Variants in RIGI observed in about 807,000 individuals in gnomAD.
RIGI encodes antiviral innate immune response receptor RIG-I.
the RIGI span, chr9:32,489,433 A>T: frequency 6.2e-7 from 1 of 1,612,742 alleles, no homozygotes; most frequent in Non-Finnish European, 8.5e-7. Context: ...TGGGCTGTAC[A>T]AGTTTGTATC....
chr9:32,485,685 C>T, the RIGI span: 24 of 369,244 alleles, frequency 6.5e-5, 1 homozygote, highest in East Asian at 1.0e-3. Context: ...GGACAACAGG[C>T]GCACACCACC....
chr9:32,478,597 C>T, the RIGI span, among the ~76,000 whole-genome samples: 1,263 of 152,114 alleles, frequency 8.3e-3, 16 homozygotes, highest in African/African-American at 0.029. Flanking sequence ...ACTCACTCTA[C>T]CACCCAAGCT....
chr9:32,472,888 T>C, the RIGI span: 2 of 629,198 alleles, frequency 3.2e-6, no homozygotes, highest in African/African-American at 3.9e-5. Flanking sequence ...ATATATATTA[T>C]ATATATACAC....
At chr9:32,481,658 T>A in the RIGI span, among the ~76,000 whole-genome samples, 6 of 151,978 alleles carry the variant, frequency 3.9e-5, no homozygotes, top group East Asian at 1.2e-3. Flanking sequence ...CGATCTTGGC[T>A]CACCGCAACC....
the RIGI span, among the ~76,000 whole-genome samples, chr9:32,514,633 T>A: frequency 6.6e-6 from 1 of 152,040 alleles, no homozygotes; most frequent in Non-Finnish European, 1.5e-5. Flanking sequence ...GAGATGATGG[T>A]TTGATGGGTG....
the RIGI span, chr9:32,477,256 G>A: frequency 9.0e-7 from 1 of 1,107,410 alleles, no homozygotes; most frequent in Non-Finnish European, 1.3e-6. Context: ...TGAGTAGTAA[G>A]TACTGTTTTA....
the RIGI span, among the ~76,000 whole-genome samples, chr9:32,464,458 C>T: frequency 2.4e-3 from 365 of 152,146 alleles, 4 homozygotes; most frequent in Non-Finnish European, 1.4e-3. Context: ...GGCGCGATCT[C>T]GGCTCACTGC....
chr9:32,521,139 C>CAAA, the RIGI span, among the ~76,000 whole-genome samples: 9 of 32,760 alleles, frequency 2.7e-4, no homozygotes, highest in East Asian at 9.0e-4. Context: ...GACACCATCT[C>CAAA]AAAAAAAAAA....
At chr9:32,499,311 G>GTTTTTTTTTT in the RIGI span, among the ~76,000 whole-genome samples, 664 of 80,932 alleles carry the variant, frequency 8.2e-3, 4 homozygotes, top group Non-Finnish European at 0.011. Context: ...CAGAGTTTGT[G>GTTTTTTTTTT]ATTTGTTTTT....
chr9:32,462,385 A>T, the RIGI span, among the ~76,000 whole-genome samples: 77 of 149,660 alleles, frequency 5.1e-4, no homozygotes, highest in African/African-American at 1.8e-3. Context: ...GCTTTATATA[A>T]AAAAAAAATT....
chr9:32,477,141 G>A, the RIGI span: 6 of 1,611,214 alleles, frequency 3.7e-6, no homozygotes, highest in African/African-American at 6.7e-5. Context: ...TCTGCAAATG[G>A]GAAACATTTT....
the RIGI span, among the ~76,000 whole-genome samples, chr9:32,522,952 C>A: frequency 1.3e-5 from 2 of 152,160 alleles, no homozygotes; most frequent in African/African-American, 2.4e-5. Context: ...AAAAGGACCC[C>A]CAGGCCTCTC....
chr9:32,493,123 G>T, the RIGI span, among the ~76,000 whole-genome samples: 1 of 152,124 alleles, frequency 6.6e-6, no homozygotes, highest in Non-Finnish European at 1.5e-5. Context: ...AGATCATACC[G>T]CTAGTGGTTG....
At chr9:32,501,056 A>C in the RIGI span, 1 of 1,259,758 alleles carries the variant, frequency 7.9e-7, no homozygotes, top group Non-Finnish European at 1.1e-6. Flanking sequence ...ACCAAGTCAC[A>C]GCATTGGAAG....
chr9:32,487,215 T>C, the RIGI span, among the ~76,000 whole-genome samples: 2 of 152,192 alleles, frequency 1.3e-5, no homozygotes, highest in African/African-American at 4.8e-5. Flanking sequence ...GCATTGCTAG[T>C]ACATTTATAA....
chr9:32,509,705 C>T, the RIGI span, among the ~76,000 whole-genome samples: 8 of 152,114 alleles, frequency 5.3e-5, no homozygotes, highest in South Asian at 1.5e-3. Context: ...AACTCCTTGC[C>T]AGCAACGGAA....
chr9:32,510,536 G>A, the RIGI span, among the ~76,000 whole-genome samples: 1 of 152,196 alleles, frequency 6.6e-6, no homozygotes, highest in Non-Finnish European at 1.5e-5. Context: ...ACAAGCAAAT[G>A]CTGAGAGATT....
the RIGI span, among the ~76,000 whole-genome samples, chr9:32,494,715 CTTTCTG>C: frequency 6.6e-6 from 1 of 152,174 alleles, no homozygotes; most frequent in Admixed American, 6.5e-5. Context: ...AACCACCACT[CTTTCTG>C]TTTCTATGAA....
the RIGI span, among the ~76,000 whole-genome samples, chr9:32,517,696 C>T: frequency 6.6e-6 from 1 of 152,040 alleles, no homozygotes; most frequent in Non-Finnish European, 1.5e-5. Context: ...CTTTATAAGA[C>T]TAATTTAATG....
Sources: gnomAD v4.1 joint callset for allele counts (sites outside exome capture counted in the v4.1 genomes callset) on GRCh38, gnomAD v4.1.1 for gene constraint, MANE v1.5 for transcripts, NCBI Gene and HGNC (gene_info 2026-07-23, HGNC 2026-07-21) for gene names.